The following LYPD6 variants were observed in gnomAD, a reference collection of about 807,000 sequenced individuals.
LYPD6 encodes ly6/PLAUR domain-containing protein 6.
LYPD6 carries 15 observed loss-of-function variants against 22.7 expected under a neutral mutation model. The observed-to-expected ratio is 0.66, with a 90% CI of 0.44 to 1.02. The LOEUF is 1.02. Ranked by LOEUF, LYPD6 falls within the 50% of genes least tolerant of loss-of-function variation. LYPD6 has a pLI of 0.00. For missense variants in LYPD6, 189 were observed against 208.4 expected (o/e 0.91, Z 0.57); for synonymous variants, 72 against 77.5 (o/e 0.93, Z 0.37).
At chr2:149,339,519 T>C (rs1293911873) in intron 1 of LYPD6, among the ~76,000 whole-genome samples, 1 of 152,206 alleles carries the variant, frequency 6.6e-6, no homozygotes, top group Non-Finnish European at 1.5e-5. Flanking sequence ...GTCATAGCTG[T>C]AACTTGTTAC....
intron 1 of LYPD6, among the ~76,000 whole-genome samples, chr2:149,353,167 C>T (rs1245374414): frequency 6.6e-6 from 1 of 152,210 alleles, no homozygotes; most frequent in Non-Finnish European, 1.5e-5. Flanking sequence ...CATTTTGTTA[C>T]TAACTTTGCC....
chr2:149,403,558 G>A (rs1431337768), intron 1 of LYPD6, among the ~76,000 whole-genome samples: 10 of 136,334 alleles, frequency 7.3e-5, no homozygotes, highest in Middle Eastern at 3.4e-3. Context: ...CATGTCCTTC[G>A]CCCACTTTTT....
chr2:149,339,273 T>C (rs1681114937), intron 1 of LYPD6, among the ~76,000 whole-genome samples: 1 of 152,156 alleles, frequency 6.6e-6, no homozygotes, highest in South Asian at 2.1e-4. Context: ...AGGGAGTTCT[T>C]GAAATGGTCC....
intron 1 of LYPD6, among the ~76,000 whole-genome samples, chr2:149,352,985 T>A (rs772471755): frequency 3.9e-5 from 6 of 152,186 alleles, no homozygotes; most frequent in Non-Finnish European, 7.3e-5. Flanking sequence ...TGAGCAGATC[T>A]CAAGAGGACT....
intron 3 of LYPD6, among the ~76,000 whole-genome samples, chr2:149,454,998 C>T (rs1321543546): frequency 1.3e-5 from 2 of 151,980 alleles, no homozygotes; most frequent in Non-Finnish European, 2.9e-5. Context: ...TCAGCCTCTC[C>T]ACCTGTGCAA....
chr2:149,367,355 T>C (rs1485266145), intron 1 of LYPD6, among the ~76,000 whole-genome samples: 1 of 152,166 alleles, frequency 6.6e-6, no homozygotes, highest in East Asian at 1.9e-4. Flanking sequence ...CCACCTTCAG[T>C]TCCTGGTTAT....
chr2:149,396,774 C>G (rs1411906806), intron 1 of LYPD6, among the ~76,000 whole-genome samples: 3 of 152,112 alleles, frequency 2.0e-5, no homozygotes, highest in African/African-American at 7.2e-5. Context: ...AATGGGAATT[C>G]TAAGAACAGA....
At chr2:149,466,789 T>C (rs1054213934) in intron 3 of LYPD6, among the ~76,000 whole-genome samples, 1 of 152,180 alleles carries the variant, frequency 6.6e-6, no homozygotes, top group Non-Finnish European at 1.5e-5. Flanking sequence ...TATGATCTTA[T>C]CTGCTCGGAT....
In LYPD6 at chr2:149,472,543, A is replaced by T. The variant is rs1377693628; in HGVS notation, c.*1693A>T. ...ATATGAACTGACAGCAGTAACTCTG[A>T]TACAGAATAATCTAAATTGCATCAA... is the stretch of plus-strand genomic sequence containing the variant. On this transcript the variant is annotated 3_prime_UTR_variant, in exon 5 of 5. Transcript: ENST00000334166. 6.5e-6 allele frequency: 1 copy of T among 152,680 alleles called. No individual in the cohort carries two copies. The highest frequency in any genetic ancestry group is 2.4e-5 in the African/African-American group (1 of 41,466). 9.5% of individuals were successfully genotyped at this position (152,680 alleles called of 1,614,324 possible).
intron 1 of LYPD6, among the ~76,000 whole-genome samples, chr2:149,372,424 A>G (rs889880564): frequency 6.6e-5 from 10 of 152,244 alleles, no homozygotes; most frequent in African/African-American, 2.4e-4. Context: ...TTCAAAGCCC[A>G]TGAGTAGAGG....
intron 2 of LYPD6, among the ~76,000 whole-genome samples, chr2:149,441,599 A>G (rs1480892831): frequency 6.6e-6 from 1 of 152,264 alleles, no homozygotes; most frequent in Non-Finnish European, 1.5e-5. Flanking sequence ...ACTGTCGTCA[A>G]TAATGTTCTT....
chr2:149,413,244 G>C lies in LYPD6; in HGVS notation c.-71-24394G>C, dbSNP rs573772507. 4.4e-3 allele frequency among the ~76,000 whole-genome samples: 672 copies of C among 152,294 alleles called. 6 individuals carry two copies. The highest frequency in any genetic ancestry group is 6.7e-3 in the Non-Finnish European group (453 of 68,024). ...GGCGCCAACATCCGGCCAGGCAGCT[G>C]TTCCTTGCCCAGGAGAGACTAAGAT... is the stretch of plus-strand genomic sequence containing the variant. On this transcript the variant is annotated intron_variant, in intron 1 of 4. Transcript: ENST00000334166.
At position 149,468,506 on chromosome 2, in the gene LYPD6, G is replaced by A. The variant is rs1206994371; in HGVS notation, c.218-139G>A. On this transcript the variant is annotated intron_variant, in intron 3 of 4. Transcript: ENST00000334166. ...GCTCTCCAAAGAGGTCTTTGGGGTT[G>A]GACATAAACTCAAAGCAGTGCACAT... 4 of 885,046 alleles carry A rather than the reference G, an allele frequency of 4.5e-6. No individual in the cohort carries two copies. In the East Asian group the frequency reaches 1.1e-4, roughly 23 times the overall value. The allele number at this position is 885,046 out of a possible 1,614,324, so 54.8% of individuals were successfully genotyped here. A position where few individuals can be genotyped will look rare whatever the true frequency, so the allele number is the denominator to read the frequency against.
At chr2:149,333,517 G>C (rs960545721) in intron 1 of LYPD6, among the ~76,000 whole-genome samples, 4 of 152,194 alleles carry the variant, frequency 2.6e-5, no homozygotes, top group African/African-American at 4.8e-5. Flanking sequence ...AAAAATGATA[G>C]AACTTCTCTG....
chr2:149,436,405 G>C (rs1683431824), intron 1 of LYPD6, among the ~76,000 whole-genome samples: 1 of 152,186 alleles, frequency 6.6e-6, no homozygotes, highest in Admixed American at 6.5e-5. Context: ...AAGATAGCAA[G>C]AGAATAGCAC....
intron 1 of LYPD6, among the ~76,000 whole-genome samples, chr2:149,345,920 G>A (rs555478127): frequency 6.6e-6 from 1 of 152,174 alleles, no homozygotes; most frequent in South Asian, 2.1e-4. Context: ...ACTGCACCGT[G>A]CTCCAGTTTT....
At position 149,426,510 on chromosome 2, in the gene LYPD6, G is replaced by A. The variant is rs185078265; in HGVS notation, c.-71-11128G>A. Among the ~76,000 whole-genome samples, 491 of 152,288 alleles carry A rather than the reference G, an allele frequency of 3.2e-3. 1 individual carries two copies. Among genetic ancestry groups the A allele is most frequent in the Middle Eastern group, 6.8e-3 (2 of 294 alleles). On this transcript the variant is annotated intron_variant, in intron 1 of 4. Coordinates refer to ENST00000334166, the MANE Select transcript of LYPD6 (RefSeq NM_194317.5). ...AAGGGCAGATGGTTTAGGCTTTGTG[G>A]TAAGGAGGAGAATTTGTGTAGAAAG...
At chr2:149,355,886 C>T (rs1172183261) in intron 1 of LYPD6, among the ~76,000 whole-genome samples, 1 of 152,132 alleles carries the variant, frequency 6.6e-6, no homozygotes, top group African/African-American at 2.4e-5. Context: ...GACTTACTCT[C>T]TGTGGACTCT....
intron 1 of LYPD6, among the ~76,000 whole-genome samples, chr2:149,426,472 G>C (rs2105138424): frequency 6.6e-6 from 1 of 152,216 alleles, no homozygotes; most frequent in South Asian, 2.1e-4. Flanking sequence ...ACCCTTTCTT[G>C]ACAGCTAGCT....
Sources: allele counts gnomAD v4.1 joint callset (sites outside exome capture counted in the v4.1 genomes callset), GRCh38; gene constraint gnomAD v4.1.1; transcripts MANE v1.5; gene names NCBI Gene and HGNC (gene_info 2026-07-23, HGNC 2026-07-21).